The following EFEMP1 variants were observed in gnomAD, a reference collection of about 807,000 sequenced individuals.
The protein encoded by EFEMP1 is EGF-like fibulin extracellular matrix protein 1.
In EFEMP1, 18 loss-of-function variants were observed where a neutral mutation model predicts 65.7. The ratio of observed to expected loss-of-function variants is 0.27; its 90% CI spans 0.19 to 0.41. EFEMP1 has a LOEUF of 0.41. Ranked by LOEUF, EFEMP1 falls within the 10% of genes least tolerant of loss-of-function variation. The pLI is 1.00. For missense variants in EFEMP1, 469 were observed against 624.8 expected, an observed-to-expected ratio of 0.75 and a Z score of 2.66; for synonymous variants, 237 against 219.7, an observed-to-expected ratio of 1.08 and a Z score of -0.70.
In EFEMP1 at chr2:55,871,072, C is replaced by A. The variant is rs1319204184; in HGVS notation, c.1052G>T (p.Trp351Leu). Residue 351 changes from tryptophan (W) to leucine (L), a missense_variant, in exon 10 of 12, where the codon TGG becomes TTG. Trp to Leu is a moderately conservative substitution (Grantham distance 61, BLOSUM62 -2). Transcript: ENST00000355426. This position sits in a 1 kb window ranked among gnomAD's most constrained non-coding sequence, Gnocchi z 4.2. ...ACAACGGAAGCCGCCATGATAATTCCAACACATTTCATCCTCCCGGCATTC... is the reference window on the plus strand; with the variant it reads ...ACAACGGAAGCCGCCATGATAATTCAAACACATTTCATCCTCCCGGCATTC... ...TNECREDEMC[W>L]NYHGGFRCYP... 1.2e-6 allele frequency: 2 copies of A among 1,613,560 alleles called. No individual in the cohort carries two copies.
intron 5 of EFEMP1, among the ~76,000 whole-genome samples, chr2:55,915,573 A>C (rs55756503): frequency 0.013 from 1,997 of 152,212 alleles, 43 homozygotes; most frequent in African/African-American, 0.045. Context: ...TTCAACCATA[A>C]ATGTCAATGA....
chr2:55,868,926 A>G (rs567162598), intron 11 of EFEMP1, among the ~76,000 whole-genome samples: 1 of 152,306 alleles, frequency 6.6e-6, no homozygotes, highest in South Asian at 2.1e-4. Context: ...GAAACTCTGT[A>G]GGATTTGATC....
At chr2:55,895,589 T>TGC (rs1669794546) in intron 5 of EFEMP1, among the ~76,000 whole-genome samples, 2 of 150,654 alleles carry the variant, frequency 1.3e-5, no homozygotes, top group East Asian at 3.9e-4. Context: ...TCGCCCAGGC[T>TGC]GGAGTGCAGT....
rs1245260008 is a variant in EFEMP1 at position 55,921,301 on chromosome 2, T to C, written c.81+1059A>G. On this transcript the variant is annotated intron_variant, in intron 3 of 11. Coordinates refer to ENST00000355426, the MANE Select transcript of EFEMP1 (RefSeq NM_001039348.3). This position sits in a 1 kb window ranked among gnomAD's most constrained non-coding sequence, Gnocchi z 4.1. The stretch of plus-strand genomic sequence containing the variant: ...TATTTGTATTAAGCTATTTTATTTA[T>C]AGTGGATCTGAACAACAGAAAGGAA... Among the ~76,000 whole-genome samples the C allele has an allele frequency of 6.6e-6, 1 of 152,224 alleles. No homozygotes were observed. Among genetic ancestry groups the C allele is most frequent in the Non-Finnish European group, 1.5e-5 (1 of 68,032 alleles).
At chr2:55,880,089 G>A (rs140611282) in intron 6 of EFEMP1, among the ~76,000 whole-genome samples, 1 of 152,256 alleles carries the variant, frequency 6.6e-6, no homozygotes, top group African/African-American at 2.4e-5. Context: ...ACTGTGTGAC[G>A]TGTGTGGGGA....
chr2:55,915,592 A>C (rs187049149), intron 5 of EFEMP1, among the ~76,000 whole-genome samples: 2 of 152,310 alleles, frequency 1.3e-5, no homozygotes, highest in East Asian at 3.9e-4. Context: ...GACGGTCTAC[A>C]AACTACTTTG....
intron 6 of EFEMP1, among the ~76,000 whole-genome samples, chr2:55,880,488 G>A (rs1011435514): frequency 6.6e-6 from 1 of 152,154 alleles, no homozygotes. Context: ...AGCAAACCCT[G>A]GGCCTTCCTC....
At chr2:55,868,473 G>A (rs576348467) in intron 11 of EFEMP1, among the ~76,000 whole-genome samples, 1 of 152,096 alleles carries the variant, frequency 6.6e-6, no homozygotes, top group Non-Finnish European at 1.5e-5. Flanking sequence ...GGGGGATGTT[G>A]GATATTCAAC....
chr2:55,914,014 A>T (rs1670583198), intron 5 of EFEMP1, among the ~76,000 whole-genome samples: 1 of 152,212 alleles, frequency 6.6e-6, no homozygotes, highest in Non-Finnish European at 1.5e-5. Context: ...TGTCTCAAAA[A>T]AAAAGGAGAA....
At chr2:55,909,176 C>T (rs1670389948) in intron 5 of EFEMP1, among the ~76,000 whole-genome samples, 1 of 152,106 alleles carries the variant, frequency 6.6e-6, no homozygotes, top group Non-Finnish European at 1.5e-5. Context: ...TACTTGGTAG[C>T]TTATTTTCAA....
intron 9 of EFEMP1, among the ~76,000 whole-genome samples, chr2:55,872,712 T>C (rs920978543): frequency 6.6e-6 from 1 of 152,074 alleles, no homozygotes; most frequent in Non-Finnish European, 1.5e-5. Context: ...AGCTAGGTAG[T>C]CTCCAAGAGA....
At chr2:55,901,657 T>C (rs1258569073) in intron 5 of EFEMP1, among the ~76,000 whole-genome samples, 1 of 152,174 alleles carries the variant, frequency 6.6e-6, no homozygotes, top group Non-Finnish European at 1.5e-5. Context: ...CTCTAAATGG[T>C]TGGAGTCAAC....
At chr2:55,892,961 C>G (rs1017271378) in intron 5 of EFEMP1, among the ~76,000 whole-genome samples, 4 of 152,094 alleles carry the variant, frequency 2.6e-5, no homozygotes, top group African/African-American at 9.7e-5. Flanking sequence ...AAAAATTGAG[C>G]AATTCAGATT....
chr2:55,885,336 G>A lies in EFEMP1; in HGVS notation c.518-3602C>T, dbSNP rs980747869. On this transcript the variant is annotated intron_variant, in intron 5 of 11. Transcript: ENST00000355426. The surrounding 1 kb of genome is among the most constrained non-coding windows in gnomAD (Gnocchi z 4.3). ...CACAGCTGCCGGGGCTCTGTGTGAG[G>A]AGCCTGGTGCAGTGCCTGGTTGAAG... Among the ~76,000 whole-genome samples, 7 of 152,200 alleles carry A rather than the reference G, an allele frequency of 4.6e-5. No homozygotes were observed. The highest frequency in any genetic ancestry group is 8.8e-5 in the Non-Finnish European group (6 of 68,042).
intron 5 of EFEMP1, among the ~76,000 whole-genome samples, chr2:55,906,259 C>T (rs1670268710): frequency 7.1e-6 from 1 of 139,892 alleles, no homozygotes; most frequent in Non-Finnish European, 1.5e-5. Context: ...GAGTCTCGTT[C>T]TGTCACCCAG....
chr2:55,877,735 A>C lies in EFEMP1; in HGVS notation c.760+11T>G. On this transcript the variant is annotated intron_variant, in intron 7 of 11. Transcript: ENST00000355426. The surrounding 1 kb of genome is among the most constrained non-coding windows in gnomAD (Gnocchi z 4.5). ...TGAAGACAGAAATCAGCAAGTTCTCAAAAGGCTTACCTACGCAGGTATAGT... is the reference window on the plus strand; with the variant it reads ...TGAAGACAGAAATCAGCAAGTTCTCCAAAGGCTTACCTACGCAGGTATAGT... 1 of 1,612,774 alleles carries C rather than the reference A, an allele frequency of 6.2e-7. No individual in the cohort carries two copies. The highest frequency in any genetic ancestry group is 8.5e-7 in the Non-Finnish European group (1 of 1,179,024).
intron 5 of EFEMP1, among the ~76,000 whole-genome samples, chr2:55,898,478 G>A (rs908714484): frequency 1.3e-5 from 2 of 152,006 alleles, no homozygotes; most frequent in Admixed American, 1.3e-4. Context: ...CATACTTTAT[G>A]TACAGTACTT....
chr2:55,910,700 A>G (rs1398240688), intron 5 of EFEMP1, among the ~76,000 whole-genome samples: 2 of 152,206 alleles, frequency 1.3e-5, no homozygotes, highest in East Asian at 1.9e-4. Flanking sequence ...AACTAGTCTT[A>G]AAAAGAATCT....
At chr2:55,888,617 C>T (rs1326061565) in intron 5 of EFEMP1, among the ~76,000 whole-genome samples, 1 of 151,952 alleles carries the variant, frequency 6.6e-6, no homozygotes, top group Non-Finnish European at 1.5e-5. Context: ...GATTACAGGC[C>T]TTCTTAAACT....
Sources: allele counts gnomAD v4.1 joint callset (sites outside exome capture counted in the v4.1 genomes callset), GRCh38; gene constraint gnomAD v4.1.1; non-coding constraint Gnocchi (gnomAD v3.1); transcripts MANE v1.5; gene names NCBI Gene and HGNC (gene_info 2026-07-23, HGNC 2026-07-21).